The following GDPD5 variants were observed in gnomAD, a reference collection of about 807,000 sequenced individuals.
GDPD5 encodes glycerophosphodiester phosphodiesterase 2.
A neutral mutation model predicts 75.1 loss-of-function variants in GDPD5; 48 were observed. The observed-to-expected ratio is 0.64, with a 90% CI of 0.51 to 0.81. The LOEUF (loss-of-function observed/expected upper bound fraction) is 0.81. Ranked by LOEUF, GDPD5 falls within the 40% of genes least tolerant of loss-of-function variation. The pLI is 0.00. For missense variants in GDPD5, 706 were observed against 822.6 expected (o/e 0.86, Z 1.73); for synonymous variants, 336 against 339.0 (o/e 0.99, Z 0.10).
intron 10 of GDPD5, 129 bp from the exon 11 acceptor site, chr11:75,443,415 C>T: frequency 9.5e-7 from 1 of 1,054,888 alleles, no homozygotes; most frequent in South Asian, 1.5e-5. Flanking sequence ...CTCTCTGGGC[C>T]TCAGTCTCCC....
At chr11:75,450,152 C>T (rs376455355) in intron 6 of GDPD5, among the ~76,000 whole-genome samples, 169 bp from the exon 7 acceptor site, 15 of 151,982 alleles carry the variant, frequency 9.9e-5, no homozygotes, top group Admixed American at 2.0e-4. Context: ...AACTAGAGGC[C>T]GGCAGATAGA....
At chr11:75,507,523 C>T (rs940271751) in intron 1 of GDPD5, among the ~76,000 whole-genome samples, 5 of 152,390 alleles carry the variant, frequency 3.3e-5, no homozygotes, top group South Asian at 2.1e-4. Context: ...CACTGGGTCA[C>T]AGCCACTGAG....
intron 2 of GDPD5, chr11:75,485,743 T>A (rs1335288966): frequency 6.6e-6 from 1 of 152,230 alleles, no homozygotes; most frequent in South Asian, 2.1e-4. Flanking sequence ...TCTGTATAAC[T>A]GCAAATTGTA....
intron 2 of GDPD5, among the ~76,000 whole-genome samples, chr11:75,481,307 A>ACC (rs1427036614): frequency 6.6e-6 from 1 of 152,200 alleles, no homozygotes; most frequent in African/African-American, 2.4e-5. Context: ...CTATCCCTCC[A>ACC]ACACCACCAC....
chr11:75,502,233 A>G (rs897629000), intron 1 of GDPD5, among the ~76,000 whole-genome samples: 1 of 151,958 alleles, frequency 6.6e-6, no homozygotes, highest in African/African-American at 2.4e-5. Flanking sequence ...TGCTCCAGGG[A>G]CTCCCTTCTC....
At chr11:75,482,424 A>G (rs1949938351) in intron 2 of GDPD5, among the ~76,000 whole-genome samples, 5 of 152,130 alleles carry the variant, frequency 3.3e-5, no homozygotes, top group Admixed American at 3.3e-4. Context: ...TCTGATCGAG[A>G]TAGCCAGCAG....
chr11:75,463,635 G>A (rs1451738888), intron 3 of GDPD5, among the ~76,000 whole-genome samples: 1 of 152,214 alleles, frequency 6.6e-6, no homozygotes, highest in Non-Finnish European at 1.5e-5. Context: ...CAAGTCAACA[G>A]CCCTTGAGGG....
chr11:75,456,580 T>C, intron 6 of GDPD5, 177 bp downstream of exon 6: 1 of 620,174 alleles, frequency 1.6e-6, no homozygotes, highest in South Asian at 1.9e-5. Flanking sequence ...GTTAAGTGAA[T>C]GAAGACGGGT....
chr11:75,457,398 G>A (rs1411202679), intron 5 of GDPD5, among the ~76,000 whole-genome samples: 1 of 152,242 alleles, frequency 6.6e-6, no homozygotes, highest in African/African-American at 2.4e-5. Context: ...GCAGCAGCCC[G>A]AGAGGCCCTG....
chr11:75,462,762 C>T, intron 4 of GDPD5, 24 bp downstream of exon 4: 5 of 1,567,168 alleles, frequency 3.2e-6, no homozygotes, highest in Non-Finnish European at 4.4e-6. Flanking sequence ...GCCCCTTCCT[C>T]CCCCACCCAC....
chr11:75,499,393 CCTTTTTT>C (rs1237553983), intron 1 of GDPD5, among the ~76,000 whole-genome samples: 7 of 140,156 alleles, frequency 5.0e-5, no homozygotes, highest in African/African-American at 8.5e-5. Flanking sequence ...TTCTTCTTTT[CCTTTTTT>C]TTTTTTTTTT....
intron 1 of GDPD5, among the ~76,000 whole-genome samples, chr11:75,499,279 C>T (rs998417441): frequency 6.6e-6 from 1 of 152,088 alleles, no homozygotes; most frequent in Admixed American, 6.5e-5. Context: ...CCCTCAGGTC[C>T]CACCCCTTTG....
At chr11:75,482,113 C>T (rs775881856) in intron 2 of GDPD5, among the ~76,000 whole-genome samples, 116 of 152,268 alleles carry the variant, frequency 7.6e-4, no homozygotes, top group African/African-American at 2.5e-3. Flanking sequence ...TGTCCTCTGC[C>T]GCCCCTCCCC....
intron 11 of GDPD5, 114 bp downstream of exon 11, chr11:75,443,022 C>T (rs532454): frequency 0.62 from 789,764 of 1,283,940 alleles, 246,265 homozygotes; most frequent in East Asian, 0.77. Context: ...GTGGAGGTCG[C>T]GAAAGCTCTG....
Position 75,444,488 on chromosome 11 carries a change from G to A in GDPD5, c.722C>T (p.Pro241Leu), listed in dbSNP as rs1239578039. Residue 241 changes from proline to leucine, a missense_variant, in exon 10 of 17, where the codon CCA becomes CTA. Transcript: ENST00000336898. ...CCGGAAGGACATGAGCGTGTGCTCTGGAGCCAGCTGGGGAAGAAGGGGTGG... is the reference window on the plus strand; with the variant it reads ...CCGGAAGGACATGAGCGTGTGCTCTAGAGCCAGCTGGGGAAGAAGGGGTGG... ...IGHRGAPMLAPEHTLMSFRKA... is the reference protein window; with the variant it reads ...IGHRGAPMLALEHTLMSFRKA... 6.2e-7 allele frequency: 1 copy of A among 1,613,082 alleles called. No homozygotes were observed. The highest frequency in any genetic ancestry group is 8.5e-7 in the Non-Finnish European group (1 of 1,179,484).
At chr11:75,520,533 G>A (rs1407281870) in intron 1 of GDPD5, among the ~76,000 whole-genome samples, 1 of 152,138 alleles carries the variant, frequency 6.6e-6, no homozygotes, top group Non-Finnish European at 1.5e-5. Context: ...GCCAGCAAGG[G>A]AAGCAGACCA....
chr11:75,494,443 C>T (rs1421507846), intron 1 of GDPD5, among the ~76,000 whole-genome samples: 1 of 152,000 alleles, frequency 6.6e-6, no homozygotes, highest in African/African-American at 2.4e-5. Flanking sequence ...TCTCGAACTC[C>T]TGACCTCAAG....
At chr11:75,501,453 C>T (rs1260794399) in intron 1 of GDPD5, among the ~76,000 whole-genome samples, 4 of 152,234 alleles carry the variant, frequency 2.6e-5, no homozygotes, top group African/African-American at 9.6e-5. Context: ...CCCAGAAGTA[C>T]ATGGAGCCAT....
chr11:75,483,352 A>G lies in GDPD5; in HGVS notation c.-60-5557T>C, dbSNP rs557698902. On this transcript the variant is annotated intron_variant, in intron 2 of 16. Coordinates refer to ENST00000336898, the MANE Select transcript of GDPD5 (RefSeq NM_030792.8). ...AGCAAGAGTCCATGACTGAGATGGA[A>G]TAAACACGCACTATGGAGCAGAGGC... 1.3e-3 allele frequency among the ~76,000 whole-genome samples: 191 copies of G among 152,192 alleles called. 3 individuals are homozygous for G. The highest frequency in any genetic ancestry group is 9.3e-4 in the Non-Finnish European group (63 of 68,040).
Sources: allele counts gnomAD v4.1 joint callset (sites outside exome capture counted in the v4.1 genomes callset), GRCh38; gene constraint gnomAD v4.1.1; transcripts MANE v1.5; gene names NCBI Gene and HGNC (gene_info 2026-07-23, HGNC 2026-07-21).